Variants in IGF2BP3 observed in about 807,000 individuals in gnomAD.
IGF2BP3 encodes insulin like growth factor 2 mRNA binding protein 3.
IGF2BP3 carries 9 observed loss-of-function variants against 73.8 expected under a neutral mutation model. That is an observed-to-expected ratio of 0.12 (90% CI 0.07 to 0.21). The LOEUF (loss-of-function observed/expected upper bound fraction) is 0.21, where lower values mean the gene tolerates loss of function less well. Among genes scored for constraint, IGF2BP3 ranks in the 10% least tolerant of loss-of-function variants. IGF2BP3 has a pLI of 1.00. For synonymous variants in IGF2BP3, 258 were observed against 256.7 expected (o/e 1.01, Z -0.05); for missense variants, 542 against 714.0 (o/e 0.76, Z 2.75).
At chr7:23,416,750 G>T (rs565868808) in intron 3 of IGF2BP3, among the ~76,000 whole-genome samples, 1 of 152,168 alleles carries the variant, frequency 6.6e-6, no homozygotes, top group South Asian at 2.1e-4. Context: ...CATACCCAGC[G>T]TGAATAAATA....
intron 2 of IGF2BP3, among the ~76,000 whole-genome samples, chr7:23,443,879 C>A (rs183028698): frequency 6.6e-6 from 1 of 151,776 alleles, no homozygotes; most frequent in African/African-American, 2.4e-5. Context: ...CATGGTGGCA[C>A]ACGCCTGTAA....
intron 3 of IGF2BP3, among the ~76,000 whole-genome samples, chr7:23,412,180 G>GCC (rs1367602111): frequency 6.6e-6 from 1 of 151,628 alleles, no homozygotes; most frequent in African/African-American, 2.4e-5. Context: ...ATTGGGTTTT[G>GCC]CCATGTTGGC....
At chr7:23,465,849 T>C (rs1023814314) in intron 2 of IGF2BP3, among the ~76,000 whole-genome samples, 7 of 152,042 alleles carry the variant, frequency 4.6e-5, no homozygotes, top group Admixed American at 6.6e-5. Flanking sequence ...CATCAGTCAG[T>C]ACAACCTCTT....
Position 23,469,232 on chromosome 7 carries a change from A to C in IGF2BP3, c.176-690T>G, listed in dbSNP as rs1456495238. On this transcript the variant is annotated intron_variant, in intron 1 of 14. Transcript: ENST00000258729. This position sits in a 1 kb window ranked among gnomAD's most constrained non-coding sequence, Gnocchi z 6.1. The stretch of plus-strand genomic sequence containing the variant: ...CACCGTCCCTCGCCCTGGCGGAGCC[A>C]TACCCGGAGGCCGCAGCCCCGCGCC... The C allele has an allele frequency of 6.6e-6, 1 of 152,290 alleles. No homozygotes were observed. The highest frequency in any genetic ancestry group is 1.5e-5 in the Non-Finnish European group (1 of 68,088). 9.4% of individuals were successfully genotyped at this position (152,290 alleles called of 1,614,324 possible).
chr7:23,465,532 A>G lies in IGF2BP3; in HGVS notation c.236+2950T>C, dbSNP rs373136754. Among the ~76,000 whole-genome samples, 251 of 145,222 alleles carry G rather than the reference A, an allele frequency of 1.7e-3. 1 individual carries two copies. Among genetic ancestry groups the G allele is most frequent in the Non-Finnish European group, 2.6e-3 (168 of 64,924 alleles). ...CTACTTCCTGAAAGGGTCCCCCCCC[A>G]AGCTCCACTGGAAGTCAAAGCCAGG... On this transcript the variant is annotated intron_variant, in intron 2 of 14. Coordinates refer to ENST00000258729, the MANE Select transcript of IGF2BP3 (RefSeq NM_006547.3).
At chr7:23,377,921 T>C (rs1207498731) in intron 3 of IGF2BP3, among the ~76,000 whole-genome samples, 4 of 152,160 alleles carry the variant, frequency 2.6e-5, no homozygotes, top group African/African-American at 9.7e-5. Context: ...AGAAAGTAGA[T>C]TAGTGGTTTC....
intron 3 of IGF2BP3, among the ~76,000 whole-genome samples, chr7:23,391,983 C>A (rs907500260): frequency 3.9e-5 from 6 of 152,266 alleles, no homozygotes; most frequent in African/African-American, 1.4e-4. Context: ...AACAACCCAG[C>A]AAGTGTTATT....
In IGF2BP3 at chr7:23,347,754, G is replaced by C; in HGVS notation, c.684-20C>G. On this transcript the variant is annotated intron_variant, in intron 6 of 14. Transcript: ENST00000258729. ...TCGATTCTGATAGTGGGCGCAAGCA[G>C]AGAGGAAAACGAGAGCAGTAAGCGT... 6.2e-7 allele frequency: 1 copy of C among 1,613,818 alleles called. No homozygotes were observed. Among genetic ancestry groups the C allele is most frequent in the Non-Finnish European group, 8.5e-7 (1 of 1,179,932 alleles).
At chr7:23,355,419 C>G (rs184830270) in intron 5 of IGF2BP3, among the ~76,000 whole-genome samples, 1 of 151,730 alleles carries the variant, frequency 6.6e-6, no homozygotes, top group African/African-American at 2.4e-5. Context: ...TAACTAGAGA[C>G]GGGGTTTCAC....
intron 3 of IGF2BP3, among the ~76,000 whole-genome samples, chr7:23,370,539 A>G (rs1785511305): frequency 6.6e-6 from 1 of 152,192 alleles, no homozygotes; most frequent in Non-Finnish European, 1.5e-5. Flanking sequence ...CTATCCCATA[A>G]ACCTCATAAG....
At chr7:23,389,363 T>C (rs748273466) in intron 3 of IGF2BP3, among the ~76,000 whole-genome samples, 1 of 152,030 alleles carries the variant, frequency 6.6e-6, no homozygotes, top group African/African-American at 2.4e-5. Flanking sequence ...GGTTTCACCA[T>C]ATTGGCCAAG....
Position 23,451,470 on chromosome 7 carries a change from A to G in IGF2BP3, c.236+17012T>C, listed in dbSNP as rs11972259. 6.1e-3 allele frequency among the ~76,000 whole-genome samples: 922 copies of G among 151,706 alleles called. 12 individuals carry two copies. The highest frequency in any genetic ancestry group is 0.021 in the African/African-American group (881 of 41,328). On this transcript the variant is annotated intron_variant, in intron 2 of 14. Transcript: ENST00000258729. ...TGATAACATGTAATGGGTTTTTTAT[A>G]AAACCCCTATCATTCCAGGAGGCTG...
chr7:23,426,224 G>T (rs1241607559), intron 2 of IGF2BP3, among the ~76,000 whole-genome samples: 1 of 151,374 alleles, frequency 6.6e-6, no homozygotes, highest in Non-Finnish European at 1.5e-5. Flanking sequence ...CTAATTGGGA[G>T]GCTGAGGCAG....
chr7:23,360,920 T>C (rs1272085644), intron 5 of IGF2BP3, among the ~76,000 whole-genome samples: 1 of 152,216 alleles, frequency 6.6e-6, no homozygotes, highest in Non-Finnish European at 1.5e-5. Flanking sequence ...GGACCCCCAT[T>C]TCTCTCTCTA....
At chr7:23,431,422 T>A (rs1445062449) in intron 2 of IGF2BP3, 1 of 152,178 alleles carries the variant, frequency 6.6e-6, no homozygotes, top group African/African-American at 2.4e-5. Context: ...AACTAGATAC[T>A]TTAGGTCAGT....
intron 3 of IGF2BP3, among the ~76,000 whole-genome samples, chr7:23,408,829 C>A (rs372084802): frequency 6.6e-6 from 1 of 152,100 alleles, no homozygotes; most frequent in Admixed American, 6.5e-5. Flanking sequence ...GAAGAATAAA[C>A]AAAAGGTAGA....
chr7:23,468,668 A>G, intron 1 of IGF2BP3, 126 bp from the exon 2 acceptor site: 2 of 913,636 alleles, frequency 2.2e-6, no homozygotes, highest in Non-Finnish European at 3.5e-6. Context: ...CGAGGCCCGG[A>G]CGCGGCTCCA....
rs748797144 is a variant in IGF2BP3 at position 23,469,978 on chromosome 7, G to C, written c.133C>G (p.Pro45Ala). The stretch of plus-strand genomic sequence containing the variant: ...GCCTTGAGGGCCCAGCTCTCGTCCG[G>C]GCAGTCCACGAACGCGTAGCCAGTC... The part of the protein sequence containing the change: ...VKTGYAFVDC[P>A]DESWALKAIE... Residue 45 changes from proline (P) to alanine (A), a missense_variant, in exon 1 of 15, where the codon CCG (proline) becomes GCG (alanine). Transcript: ENST00000258729. This position sits in a 1 kb window ranked among gnomAD's most constrained non-coding sequence, Gnocchi z 6.1. The C allele has an allele frequency of 6.2e-7, 1 of 1,612,490 alleles. No homozygotes were observed. Among genetic ancestry groups the C allele is most frequent in the Non-Finnish European group, 8.5e-7 (1 of 1,179,696 alleles).
chr7:23,313,127 T>C (rs74582501), intron 13 of IGF2BP3, among the ~76,000 whole-genome samples: 171 of 152,334 alleles, frequency 1.1e-3, no homozygotes, highest in African/African-American at 4.0e-3. Flanking sequence ...AAATTATAAA[T>C]AGCTTTGAAA....
Sources: allele counts gnomAD v4.1 joint callset (sites outside exome capture counted in the v4.1 genomes callset), GRCh38; gene constraint gnomAD v4.1.1; non-coding constraint Gnocchi (gnomAD v3.1); transcripts MANE v1.5; gene names NCBI Gene and HGNC (gene_info 2026-07-23, HGNC 2026-07-21).